The following ERC1 variants were observed in gnomAD, a reference collection of about 807,000 sequenced individuals.
The protein encoded by ERC1 is ELKS/RAB6-interacting/CAST family member 1, also known as RAB6 interacting protein 2.
Under a neutral mutation model 132.0 loss-of-function variants are expected in ERC1, and 56 were observed. That is an observed-to-expected ratio of 0.42 (90% CI 0.34 to 0.53). The LOEUF is 0.53. Among genes scored for constraint, ERC1 ranks in the 20% least tolerant of loss-of-function variants. ERC1 has a pLI of 0.03. For missense variants in ERC1, 1,202 were observed against 1,349.9 expected (o/e 0.89, Z 1.72); for synonymous variants, 478 against 476.1 (o/e 1.00, Z -0.05).
intron 8 of ERC1, among the ~76,000 whole-genome samples, chr12:1,168,909 G>GT (rs1952748759): frequency 6.6e-6 from 1 of 152,144 alleles, no homozygotes; most frequent in Admixed American, 6.5e-5. Flanking sequence ...AGGTAAAAGT[G>GT]TGCATAGTTC....
At chr12:1,410,337 TCATTC>T in intron 17 of ERC1, 1 of 841,382 alleles carries the variant, frequency 1.2e-6, no homozygotes. Flanking sequence ...CACCTCTTTT[TCATTC>T]CATGCTGCCC....
chr12:1,183,651 A>G (rs1365973999), intron 11 of ERC1, among the ~76,000 whole-genome samples: 1 of 152,206 alleles, frequency 6.6e-6, no homozygotes, highest in Non-Finnish European at 1.5e-5. Context: ...TAAAATATGC[A>G]ACTCTCTTGT....
intron 12 of ERC1, among the ~76,000 whole-genome samples, chr12:1,226,957 G>A (rs1031238575): frequency 2.0e-5 from 3 of 152,206 alleles, no homozygotes; most frequent in South Asian, 2.1e-4. Context: ...GATTACAGGC[G>A]TGAGCCACTG....
At chr12:1,005,331 TG>T (rs1963375920) in intron 1 of ERC1, among the ~76,000 whole-genome samples, 1 of 151,984 alleles carries the variant, frequency 6.6e-6, no homozygotes, top group South Asian at 2.1e-4. Context: ...TTTGTAGAGA[TG>T]GGGTTTTGCC....
At chr12:1,227,540 C>T (rs376938103) in intron 12 of ERC1, among the ~76,000 whole-genome samples, 2 of 152,176 alleles carry the variant, frequency 1.3e-5, no homozygotes, top group South Asian at 4.1e-4. Context: ...GTTATCTAGA[C>T]ATTTTGAATA....
chr12:1,154,134 C>T (rs1351796084), intron 8 of ERC1, among the ~76,000 whole-genome samples: 2 of 151,864 alleles, frequency 1.3e-5, no homozygotes, highest in Non-Finnish European at 2.9e-5. Flanking sequence ...TGATGGCCTC[C>T]AGTTCCATCC....
At chr12:1,354,203 A>AT (rs775295500) in intron 15 of ERC1, among the ~76,000 whole-genome samples, 2 of 151,566 alleles carry the variant, frequency 1.3e-5, no homozygotes, top group Non-Finnish European at 2.9e-5. Flanking sequence ...ATCTCCCCAG[A>AT]TTCATAAGGT....
At chr12:1,197,520 TG>T (rs1956447280) in intron 12 of ERC1, among the ~76,000 whole-genome samples, 1 of 152,168 alleles carries the variant, frequency 6.6e-6, no homozygotes. Context: ...TCCCACATGC[TG>T]GAATGCCCAC....
At chr12:1,356,453 G>A (rs1460083531) in intron 15 of ERC1, among the ~76,000 whole-genome samples, 1 of 151,826 alleles carries the variant, frequency 6.6e-6, no homozygotes, top group African/African-American at 2.4e-5. Context: ...TGCTGTTTTT[G>A]TGTGTGTGTG....
At chr12:1,211,726 ATT>A (rs570942559) in intron 12 of ERC1, among the ~76,000 whole-genome samples, 11 of 140,806 alleles carry the variant, frequency 7.8e-5, no homozygotes, top group Non-Finnish European at 6.3e-5. Context: ...CGCCCAGCTA[ATT>A]TTTTTTTTTT....
rs144799200 is a variant in ERC1, at chr12:1,188,771, T to G, written c.2158-1088T>G. On this transcript the variant is annotated intron_variant, in intron 11 of 18. Transcript: ENST00000360905. ...TTGCTTCAGAGCTTTCTGAAATATT[T>G]CCTAAGAATATATATTTTCTCCTTT... Among the ~76,000 whole-genome samples the G allele has an allele frequency of 1.6e-3, 247 of 152,318 alleles. No individual in the cohort carries two copies. In the Middle Eastern group the frequency reaches 0.02, roughly 13 times the overall value.
intron 11 of ERC1, among the ~76,000 whole-genome samples, chr12:1,187,414 T>C (rs1955217733): frequency 6.6e-6 from 1 of 151,990 alleles, no homozygotes; most frequent in Non-Finnish European, 1.5e-5. Flanking sequence ...AGTATTCTTT[T>C]ATTATCTTTA....
intron 14 of ERC1, among the ~76,000 whole-genome samples, chr12:1,264,368 G>T (rs1193149865): frequency 6.6e-6 from 1 of 152,058 alleles, no homozygotes; most frequent in Non-Finnish European, 1.5e-5. Flanking sequence ...TGTGATTTAA[G>T]ATTTCAAACC....
At chr12:1,368,711 A>T (rs1301362079) in intron 15 of ERC1, among the ~76,000 whole-genome samples, 1 of 152,152 alleles carries the variant, frequency 6.6e-6, no homozygotes, top group African/African-American at 2.4e-5. Context: ...CCCTCATACT[A>T]TCCACTTCAA....
intron 17 of ERC1, among the ~76,000 whole-genome samples, chr12:1,437,030 A>C (rs2092969874): frequency 6.6e-6 from 1 of 152,140 alleles, no homozygotes; most frequent in South Asian, 2.1e-4. Flanking sequence ...AAACACAATG[A>C]GTGATTTGTG....
Position 1,000,832 on chromosome 12 carries a change from T to C in ERC1, c.-157+9510T>C, listed in dbSNP as rs369373607. ...AATAAAATTCAGACCTTAAACATAA[T>C]TTTACTGTAGGAATATAACTTACCT... On this transcript the variant is annotated intron_variant, in intron 1 of 18. Coordinates refer to ENST00000360905, the MANE Select transcript of ERC1 (RefSeq NM_178040.4). Among the ~76,000 whole-genome samples the C allele has an allele frequency of 5.9e-4, 90 of 152,310 alleles. No individual in the cohort carries two copies. In the South Asian group the frequency reaches 0.018, roughly 31 times the overall value.
chr12:1,413,162 G>A (rs1299231658), intron 17 of ERC1, among the ~76,000 whole-genome samples: 13 of 152,100 alleles, frequency 8.5e-5, no homozygotes, highest in African/African-American at 2.9e-4. Flanking sequence ...ATTCCCTATT[G>A]TATGACATTT....
chr12:1,078,678 A>G (rs1450700381), intron 2 of ERC1, among the ~76,000 whole-genome samples: 1 of 152,176 alleles, frequency 6.6e-6, no homozygotes, highest in South Asian at 2.1e-4. Context: ...ACAGCAGGTG[A>G]AAGGTTATTT....
chr12:1,100,529 T>A (rs1299814671), intron 3 of ERC1, among the ~76,000 whole-genome samples: 1 of 152,294 alleles, frequency 6.6e-6, no homozygotes, highest in East Asian at 1.9e-4. Flanking sequence ...TAATGGTGGC[T>A]TAGAGCAGTG....
Sources: gnomAD v4.1 joint callset for allele counts (sites outside exome capture counted in the v4.1 genomes callset) on GRCh38, gnomAD v4.1.1 for gene constraint, MANE v1.5 for transcripts, NCBI Gene and HGNC (gene_info 2026-07-23, HGNC 2026-07-21) for gene names.